Variants in SEMA5A observed in about 807,000 individuals in gnomAD.
SEMA5A encodes the protein semaphorin-5A.
SEMA5A carries 55 observed loss-of-function variants against 135.5 expected under a neutral mutation model. That is an observed-to-expected ratio of 0.41 (90% CI 0.33 to 0.51). The LOEUF (loss-of-function observed/expected upper bound fraction) is 0.51. Among genes scored for constraint, SEMA5A ranks in the 20% least tolerant of loss-of-function variants. The pLI, the probability that SEMA5A is intolerant of heterozygous loss-of-function variation, is 0.37. For synonymous variants in SEMA5A, 580 were observed against 546.5 expected, an observed-to-expected ratio of 1.06 and a Z score of -0.85; for missense variants, 1,290 against 1,419.9, an observed-to-expected ratio of 0.91 and a Z score of 1.47.
chr5:9,140,179 C>A (rs965467627), intron 12 of SEMA5A, among the ~76,000 whole-genome samples: 1 of 152,028 alleles, frequency 6.6e-6, no homozygotes, highest in African/African-American at 2.4e-5. Flanking sequence ...ATATGATTCC[C>A]AATAATGTAC....
At chr5:9,295,106 C>T (rs1328083414) in intron 5 of SEMA5A, among the ~76,000 whole-genome samples, 1 of 152,188 alleles carries the variant, frequency 6.6e-6, no homozygotes, top group East Asian at 1.9e-4. Flanking sequence ...TCCATTCCCA[C>T]AAAGTATGAC....
chr5:9,114,789 C>CA (rs1283950533), intron 15 of SEMA5A, among the ~76,000 whole-genome samples: 1 of 152,018 alleles, frequency 6.6e-6, no homozygotes, highest in Non-Finnish European at 1.5e-5. Flanking sequence ...GCAAAAGATG[C>CA]AAAAAATATG....
At chr5:9,060,352 G>A (rs1737117552) in intron 18 of SEMA5A, among the ~76,000 whole-genome samples, 3 of 152,130 alleles carry the variant, frequency 2.0e-5, no homozygotes, top group African/African-American at 7.2e-5. Context: ...TTGTACTTGT[G>A]CACTAGGACA....
At chr5:9,516,111 C>T (rs1347523200) in intron 1 of SEMA5A, among the ~76,000 whole-genome samples, 1 of 152,234 alleles carries the variant, frequency 6.6e-6, no homozygotes, top group African/African-American at 2.4e-5. Context: ...ATATAAAGCA[C>T]TGTGCAAGGC....
chr5:9,117,513 C>T (rs1259517290), intron 15 of SEMA5A, among the ~76,000 whole-genome samples: 1 of 152,188 alleles, frequency 6.6e-6, no homozygotes, highest in Non-Finnish European at 1.5e-5. Context: ...TTCATTCATT[C>T]ACACATCAAA....
chr5:9,536,891 G>A (rs1737798871), intron 1 of SEMA5A, among the ~76,000 whole-genome samples: 2 of 152,214 alleles, frequency 1.3e-5, no homozygotes, highest in Non-Finnish European at 1.5e-5. Context: ...AGTGACAGGA[G>A]GACAGGAGGT....
chr5:9,156,069 T>C (rs1742937648), intron 11 of SEMA5A, among the ~76,000 whole-genome samples: 1 of 152,148 alleles, frequency 6.6e-6, no homozygotes, highest in Admixed American at 6.5e-5. Context: ...GGAAAGAGCA[T>C]GTATTTGTGT....
At chr5:9,324,156 C>G (rs1372213624) in intron 4 of SEMA5A, among the ~76,000 whole-genome samples, 1 of 151,936 alleles carries the variant, frequency 6.6e-6, no homozygotes, top group Non-Finnish European at 1.5e-5. Flanking sequence ...GCAAGCTCTG[C>G]CTCCTGGGTT....
At chr5:9,226,276 A>C (rs1182118162) in intron 7 of SEMA5A, among the ~76,000 whole-genome samples, 1 of 152,218 alleles carries the variant, frequency 6.6e-6, no homozygotes, top group Non-Finnish European at 1.5e-5. Flanking sequence ...CTGAATTAGG[A>C]AGATTCCACG....
chr5:9,106,399 A>G (rs897627839), intron 16 of SEMA5A, among the ~76,000 whole-genome samples: 4 of 152,244 alleles, frequency 2.6e-5, no homozygotes, highest in Non-Finnish European at 4.4e-5. Flanking sequence ...AAAATGCTAC[A>G]TTATTGCTTA....
chr5:9,493,931 G>T (rs1282266823), intron 1 of SEMA5A, among the ~76,000 whole-genome samples: 1 of 152,144 alleles, frequency 6.6e-6, no homozygotes, highest in Non-Finnish European at 1.5e-5. Flanking sequence ...TGCAAAGAAT[G>T]TAAGGTTACC....
chr5:9,462,105 G>C (rs1047417517), intron 1 of SEMA5A, among the ~76,000 whole-genome samples: 1 of 152,142 alleles, frequency 6.6e-6, no homozygotes, highest in African/African-American at 2.4e-5. Flanking sequence ...TCGAGTTCTA[G>C]AAGTATCTCT....
intron 9 of SEMA5A, among the ~76,000 whole-genome samples, chr5:9,198,897 C>A (rs77646021): frequency 6.6e-6 from 1 of 152,072 alleles, no homozygotes; most frequent in Non-Finnish European, 1.5e-5. Flanking sequence ...GGGGATATTA[C>A]GAATAATAAC....
chr5:9,400,457 A>T (rs552822437), intron 2 of SEMA5A, among the ~76,000 whole-genome samples: 2,466 of 151,908 alleles, frequency 0.016, 44 homozygotes, highest in Non-Finnish European at 0.024. Flanking sequence ...CTAAAAAAAA[A>T]TGTAAAATTG....
intron 4 of SEMA5A, among the ~76,000 whole-genome samples, chr5:9,321,976 C>T (rs953715928): frequency 1.3e-5 from 2 of 152,120 alleles, no homozygotes; most frequent in Non-Finnish European, 2.9e-5. Context: ...GACGATAGCA[C>T]AGTCTGCAGT....
intron 16 of SEMA5A, among the ~76,000 whole-genome samples, chr5:9,098,075 C>G (rs1380067757): frequency 6.6e-6 from 1 of 151,966 alleles, no homozygotes; most frequent in Admixed American, 6.6e-5. Context: ...GAAACCCCGT[C>G]TCTACTAAAA....
chr5:9,308,489 T>G (rs1751976457), intron 5 of SEMA5A, among the ~76,000 whole-genome samples: 2 of 152,156 alleles, frequency 1.3e-5, no homozygotes, highest in Non-Finnish European at 2.9e-5. Flanking sequence ...TTCCTTTCTT[T>G]GCTATGTCAC....
intron 5 of SEMA5A, among the ~76,000 whole-genome samples, chr5:9,265,177 G>C (rs78505066): frequency 0.012 from 1,758 of 152,224 alleles, 33 homozygotes; most frequent in African/African-American, 0.039. Context: ...TTTGGTGTGA[G>C]AGTAAAATTC....
chr5:9,441,019 G>C (rs1312832523), intron 1 of SEMA5A, among the ~76,000 whole-genome samples: 1 of 152,236 alleles, frequency 6.6e-6, no homozygotes, highest in Non-Finnish European at 1.5e-5. Flanking sequence ...TGCTGGGCCA[G>C]CATTTCCCAA....
Sources: gnomAD v4.1 joint callset for allele counts (sites outside exome capture counted in the v4.1 genomes callset) on GRCh38, gnomAD v4.1.1 for gene constraint, MANE v1.5 for transcripts, NCBI Gene and HGNC (gene_info 2026-07-23, HGNC 2026-07-21) for gene names.